The following SDK1 variants were observed in gnomAD, a reference collection of about 807,000 sequenced individuals.
SDK1 encodes protein sidekick-1.
A neutral mutation model predicts 245.5 loss-of-function variants in SDK1; 157 were observed. The ratio of observed to expected loss-of-function variants is 0.64; its 90% CI spans 0.56 to 0.73. The LOEUF is 0.73. SDK1 is among the 30% of genes least tolerant of loss of function. SDK1 has a pLI of 0.00. For synonymous variants in SDK1, 1,647 were observed against 1,278.5 expected, an observed-to-expected ratio of 1.29 and a Z score of -6.15; for missense variants, 3,583 against 3,002.3, an observed-to-expected ratio of 1.19 and a Z score of -4.52.
chr7:4,141,994 A>T (rs144787816), intron 28 of SDK1, among the ~76,000 whole-genome samples: 3,547 of 151,844 alleles, frequency 0.023, 135 homozygotes, highest in African/African-American at 0.08. Context: ...TGACCTTTTG[A>T]TCCACCTGCC....
chr7:3,636,710 A>G (rs34617591), intron 2 of SDK1, among the ~76,000 whole-genome samples: 33 of 152,320 alleles, frequency 2.2e-4, no homozygotes, highest in Admixed American at 9.8e-4. Context: ...CTTGGGAAAT[A>G]TACTCAGAAG....
intron 35 of SDK1, among the ~76,000 whole-genome samples, chr7:4,202,125 T>C (rs1783921966): frequency 6.6e-6 from 1 of 152,142 alleles, no homozygotes; most frequent in Non-Finnish European, 1.5e-5. Context: ...CTGGACATGC[T>C]CTCTGGGCCC....
chr7:3,956,953 G>C (rs113930629), intron 7 of SDK1, among the ~76,000 whole-genome samples: 2 of 152,192 alleles, frequency 1.3e-5, no homozygotes, highest in African/African-American at 4.8e-5. Context: ...ACGGTAATCA[G>C]TACCTCAGGG....
chr7:3,330,829 C>G (rs948267058), intron 1 of SDK1, among the ~76,000 whole-genome samples: 2 of 79,988 alleles, frequency 2.5e-5, no homozygotes, highest in African/African-American at 8.5e-5. Flanking sequence ...AAAAAAAAAA[C>G]CAGGTGTGGT....
chr7:3,850,766 C>A (rs1042489667), intron 5 of SDK1, among the ~76,000 whole-genome samples: 6 of 151,468 alleles, frequency 4.0e-5, no homozygotes, highest in Admixed American at 3.3e-4. Context: ...AACAAAAAAA[C>A]CAAACACCGC....
chr7:3,667,961 C>T (rs1220085193), intron 4 of SDK1, among the ~76,000 whole-genome samples: 1 of 152,144 alleles, frequency 6.6e-6, no homozygotes, highest in East Asian at 1.9e-4. Context: ...CAGTTACATG[C>T]TTGGAGTAGA....
intron 1 of SDK1, among the ~76,000 whole-genome samples, chr7:3,315,030 C>T (rs751566480): frequency 1.3e-5 from 2 of 152,092 alleles, no homozygotes; most frequent in Non-Finnish European, 2.9e-5. Context: ...GGCTAGAGTC[C>T]TCCATCCCTA....
intron 28 of SDK1, 86 bp downstream of exon 28, chr7:4,132,509 C>G (rs989635654): frequency 2.8e-5 from 26 of 929,784 alleles, no homozygotes; most frequent in Non-Finnish European, 4.2e-5. Flanking sequence ...TTTGCTTGAG[C>G]CCAGGAGTTC....
chr7:3,674,419 C>T (rs918275837), intron 4 of SDK1, among the ~76,000 whole-genome samples: 1 of 152,058 alleles, frequency 6.6e-6, no homozygotes, highest in Non-Finnish European at 1.5e-5. Context: ...ACCAGCCTTC[C>T]TGTTGAGCAA....
intron 1 of SDK1, among the ~76,000 whole-genome samples, chr7:3,313,426 T>G (rs1025558999): frequency 6.6e-6 from 1 of 151,744 alleles, no homozygotes; most frequent in Non-Finnish European, 1.5e-5. Context: ...GAAATAAAGG[T>G]TGTAGATAAA....
intron 3 of SDK1, among the ~76,000 whole-genome samples, chr7:3,639,777 A>G (rs116032269): frequency 0.02 from 3,069 of 152,066 alleles, 103 homozygotes; most frequent in African/African-American, 0.071. Flanking sequence ...TGTCTGCTTT[A>G]TTTTATGTAC....
intron 1 of SDK1, among the ~76,000 whole-genome samples, chr7:3,473,122 G>A (rs1781235520): frequency 6.6e-6 from 1 of 152,160 alleles, no homozygotes; most frequent in Admixed American, 6.5e-5. Context: ...CATCACAACA[G>A]CCTTGTGAGG....
intron 40 of SDK1, chr7:4,227,107 C>T (rs942401076): frequency 7.3e-6 from 2 of 274,762 alleles, no homozygotes; most frequent in African/African-American, 4.5e-5. Flanking sequence ...TGTTCAATTT[C>T]AGTCTTTGGC....
chr7:3,987,446 C>T, intron 14 of SDK1, 124 bp downstream of exon 14: 1 of 1,039,826 alleles, frequency 9.6e-7, no homozygotes, highest in Non-Finnish European at 1.4e-6. Context: ...TAATGCTTTA[C>T]AGGGTTTCAA....
chr7:3,588,931 T>G (rs1375213686), intron 1 of SDK1, among the ~76,000 whole-genome samples: 1 of 152,236 alleles, frequency 6.6e-6, no homozygotes, highest in Non-Finnish European at 1.5e-5. Context: ...TCAAAGTTGT[T>G]ATATACTACA....
At chr7:3,910,457 G>A (rs1316849414) in intron 5 of SDK1, among the ~76,000 whole-genome samples, 4 of 152,176 alleles carry the variant, frequency 2.6e-5, no homozygotes, top group African/African-American at 7.2e-5. Flanking sequence ...GTATGTGTGT[G>A]CCGGGCATCT....
intron 17 of SDK1, among the ~76,000 whole-genome samples, chr7:4,034,371 C>T (rs1447389741): frequency 2.6e-5 from 4 of 152,226 alleles, no homozygotes; most frequent in East Asian, 1.9e-4. Flanking sequence ...GCCGACGTCC[C>T]GGTTTTGATG....
chr7:3,749,726 G>C (rs183203206), intron 4 of SDK1, among the ~76,000 whole-genome samples: 289 of 152,334 alleles, frequency 1.9e-3, no homozygotes, highest in African/African-American at 6.2e-3. Flanking sequence ...GGTGCAGAGA[G>C]AGAGAGAAAG....
chr7:3,794,604 T>C (rs1778917173), intron 4 of SDK1, among the ~76,000 whole-genome samples: 2 of 152,122 alleles, frequency 1.3e-5, no homozygotes, highest in East Asian at 1.9e-4. Flanking sequence ...GTTCGCACCC[T>C]CAACCCCCTT....
Sources: gnomAD v4.1 joint callset for allele counts (sites outside exome capture counted in the v4.1 genomes callset) on GRCh38, gnomAD v4.1.1 for gene constraint, MANE v1.5 for transcripts, NCBI Gene and HGNC (gene_info 2026-07-23, HGNC 2026-07-21) for gene names.